UBAP1: variants seen among roughly 807,000 people sequenced by gnomAD.
UBAP1 encodes ubiquitin-associated protein 1.
A neutral mutation model predicts 39.0 loss-of-function variants in UBAP1; 5 were observed. The ratio of observed to expected loss-of-function variants is 0.13; its 90% CI spans 0.07 to 0.27. The LOEUF is 0.27. Ranked by LOEUF, UBAP1 falls within the 10% of genes least tolerant of loss-of-function variation. The pLI, the probability that UBAP1 is intolerant of heterozygous loss-of-function variation, is 1.00. For synonymous variants in UBAP1, 211 were observed against 225.1 expected, an observed-to-expected ratio of 0.94 and a Z score of 0.56; for missense variants, 490 against 608.1, an observed-to-expected ratio of 0.81 and a Z score of 2.04.
chr9:34,240,014 T>A (rs36083255), intron 3 of UBAP1, among the ~76,000 whole-genome samples: 99 of 152,306 alleles, frequency 6.5e-4, no homozygotes, highest in African/African-American at 1.1e-3. Flanking sequence ...CCAATTTTTT[T>A]AAAATAAAAC....
At chr9:34,199,517 A>G (rs907659211) in intron 1 of UBAP1, among the ~76,000 whole-genome samples, 2 of 152,202 alleles carry the variant, frequency 1.3e-5, no homozygotes, top group African/African-American at 4.8e-5. Flanking sequence ...AATGTTAACC[A>G]TCTTACATTA....
chr9:34,251,264 C>A, intron 6 of UBAP1, 128 bp from the exon 7 acceptor site: 2 of 1,036,106 alleles, frequency 1.9e-6, no homozygotes, highest in Non-Finnish European at 2.8e-6. Context: ...TGGAGACTCA[C>A]GGGGCTCTGG....
intron 2 of UBAP1, chr9:34,224,506 G>A: frequency 5.1e-6 from 2 of 391,424 alleles, no homozygotes; most frequent in South Asian, 8.2e-5. Flanking sequence ...TGTGGACGTG[G>A]CAGGGGCCAA....
chr9:34,213,553 C>T (rs1210560814), intron 1 of UBAP1, among the ~76,000 whole-genome samples: 2 of 152,132 alleles, frequency 1.3e-5, no homozygotes, highest in East Asian at 3.9e-4. Flanking sequence ...GACACACCTA[C>T]AGCCAACCTA....
intron 1 of UBAP1, among the ~76,000 whole-genome samples, chr9:34,218,861 T>A (rs1181329116): frequency 1.3e-5 from 2 of 152,108 alleles, no homozygotes; most frequent in Non-Finnish European, 2.9e-5. Flanking sequence ...TGTTTGAACC[T>A]GGGAGGCAGA....
chr9:34,202,676 T>TGTGTCCCC (rs1554647595), intron 1 of UBAP1, among the ~76,000 whole-genome samples: 1 of 143,136 alleles, frequency 7.0e-6, no homozygotes, highest in African/African-American at 2.6e-5. Flanking sequence ...TGTGTGTGTG[T>TGTGTCCCC]GTCCCCGTCC....
chr9:34,214,901 A>G (rs1165385046), intron 1 of UBAP1, among the ~76,000 whole-genome samples: 1 of 152,196 alleles, frequency 6.6e-6, no homozygotes, highest in African/African-American at 2.4e-5. Context: ...ATGATCAGGG[A>G]AGTGCACATC....
intron 1 of UBAP1, among the ~76,000 whole-genome samples, chr9:34,189,396 C>T (rs1257820647): frequency 6.6e-6 from 1 of 151,650 alleles, no homozygotes; most frequent in Non-Finnish European, 1.5e-5. Flanking sequence ...ACCATGTTGG[C>T]TAGGCTGGTC....
intron 1 of UBAP1, among the ~76,000 whole-genome samples, chr9:34,182,167 T>TATTTATTC (rs1033671647): frequency 1.3e-5 from 1 of 78,128 alleles, no homozygotes; most frequent in Non-Finnish European, 3.3e-5. Flanking sequence ...GACGTTTATT[T>TATTTATTC]ATTTATTTAT....
At chr9:34,179,949 C>T (rs930141143) in intron 1 of UBAP1, among the ~76,000 whole-genome samples, 11 of 151,950 alleles carry the variant, frequency 7.2e-5, no homozygotes, top group Non-Finnish European at 1.0e-4. Flanking sequence ...CATAAAAATA[C>T]GTTTTATGTT....
intron 1 of UBAP1, among the ~76,000 whole-genome samples, chr9:34,185,474 A>G (rs1420129235): frequency 6.6e-6 from 1 of 152,132 alleles, no homozygotes; most frequent in East Asian, 1.9e-4. Context: ...ACCTGAGCTC[A>G]GGAAGTCGAG....
chr9:34,192,149 A>G (rs1026098625), intron 1 of UBAP1, among the ~76,000 whole-genome samples: 1 of 151,658 alleles, frequency 6.6e-6, no homozygotes, highest in Non-Finnish European at 1.5e-5. Context: ...CGGCCTGTAT[A>G]AACTTTTTAA....
chr9:34,241,328 A>G lies in UBAP1; in HGVS notation c.303A>G (p.Lys101=), dbSNP rs1217557787. ...NSKSGPEGDS[K]MSFSKTHSTA... ...AGAGTGGCCCAGAGGGCGATAGCAA[A>G]ATGAGCTTCTCCAAGACTCACAGTA... The change falls in exon 4 of 7, where the codon AAA becomes AAG. Residue 101 remains lysine, a synonymous_variant. Coordinates refer to ENST00000297661, the MANE Select transcript of UBAP1 (RefSeq NM_016525.5). The G allele has an allele frequency of 6.6e-7, 1 of 1,517,246 alleles. No homozygotes were observed. The highest frequency in any genetic ancestry group is 2.3e-5 in the East Asian group (1 of 44,068). The allele number at this position is 1,517,246 out of a possible 1,614,324, so 94.0% of individuals were successfully genotyped here.
intron 3 of UBAP1, 150 bp downstream of exon 3, chr9:34,234,490 A>G (rs1473040150): frequency 2.1e-6 from 2 of 939,588 alleles, no homozygotes; most frequent in Non-Finnish European, 3.1e-6. Flanking sequence ...GTCCCATAAA[A>G]TTATAAGGGG....
chr9:34,232,633 C>T (rs1337923992), intron 2 of UBAP1, among the ~76,000 whole-genome samples: 1 of 151,880 alleles, frequency 6.6e-6, no homozygotes, highest in Non-Finnish European at 1.5e-5. Flanking sequence ...CTGCAGAATA[C>T]CTATCCCAGG....
intron 1 of UBAP1, 59 bp downstream of exon 1, chr9:34,179,299 T>A: frequency 2.6e-6 from 1 of 389,834 alleles, no homozygotes; most frequent in Non-Finnish European, 3.4e-6. Context: ...GGAGGGGGGC[T>A]GGTACTGGGA....
chr9:34,250,715 T>G lies in UBAP1; in HGVS notation c.1324T>G (p.Leu442Val), dbSNP rs1250708076. Residue 442 changes from leucine to valine, a missense_variant, in exon 6 of 7, where the codon TTA becomes GTA. This residue lies in a region of UBAP1 where 339 missense variants were observed against 390.0 expected (regional missense o/e 0.87). Transcript: ENST00000297661. ...TTGTGAGAAGGGCTTCGACCCTCTT[T>G]TAGTGGAAGAGGCTCTGGAAATGCA... Reference protein sequence around the residue: ...QLCEKGFDPLLVEEALEMHQC... With the variant: ...QLCEKGFDPLVVEEALEMHQC... 6.2e-7 allele frequency: 1 copy of G among 1,613,754 alleles called. No individual in the cohort carries two copies. The highest frequency in any genetic ancestry group is 1.3e-5 in the African/African-American group (1 of 75,056).
intron 4 of UBAP1, among the ~76,000 whole-genome samples, chr9:34,242,318 T>C (rs1414061003): frequency 6.6e-6 from 1 of 152,072 alleles, no homozygotes; most frequent in African/African-American, 2.4e-5. Flanking sequence ...CACCTAATTT[T>C]TGTGTTTTTT....
chr9:34,241,628 C>A lies in UBAP1; in HGVS notation c.603C>A (p.Pro201=), dbSNP rs750329588. 1.9e-6 allele frequency: 3 copies of A among 1,614,064 alleles called. No individual in the cohort carries two copies. Among genetic ancestry groups the A allele is most frequent in the Non-Finnish European group, 2.5e-6 (3 of 1,180,004 alleles). Residue 201 remains proline, a synonymous_variant, in exon 4 of 7, where the codon CCC becomes CCA. Coordinates refer to ENST00000297661, the MANE Select transcript of UBAP1 (RefSeq NM_016525.5). The stretch of plus-strand genomic sequence containing the variant: ...CTCAGTTATTGGACAATAACTTGCC[C>A]AGGGGAGGCTCTGGGTCTGTGTTAC... ...IMAQLLDNNL[P]RGGSGSVLQD...
Sources: allele counts gnomAD v4.1 joint callset (sites outside exome capture counted in the v4.1 genomes callset), GRCh38; gene constraint gnomAD v4.1.1; regional missense constraint gnomAD v4.1.1; transcripts MANE v1.5; gene names NCBI Gene and HGNC (gene_info 2026-07-23, HGNC 2026-07-21).